Variants in ADCY5 observed in about 807,000 individuals in gnomAD.
ADCY5 encodes the protein adenylate cyclase type 5.
A neutral mutation model predicts 119.7 loss-of-function variants in ADCY5; 30 were observed. The observed-to-expected ratio is 0.25, with a 90% CI of 0.19 to 0.34. ADCY5 has a LOEUF of 0.34. ADCY5 is among the 10% of genes least tolerant of loss of function. ADCY5 has a pLI of 1.00. For missense variants in ADCY5, 1,324 were observed against 1,775.2 expected, an observed-to-expected ratio of 0.75 and a Z score of 4.57; for synonymous variants, 753 against 762.2, an observed-to-expected ratio of 0.99 and a Z score of 0.20.
At chr3:123,322,146 G>A (rs747315143) in intron 8 of ADCY5, among the ~76,000 whole-genome samples, 56 of 152,344 alleles carry the variant, frequency 3.7e-4, no homozygotes, top group Non-Finnish European at 5.6e-4. Context: ...GAGCACAGGC[G>A]TGGCGGGCAG....
intron 1 of ADCY5, among the ~76,000 whole-genome samples, chr3:123,364,700 CA>C (rs545913400): frequency 1.3e-5 from 2 of 151,426 alleles, no homozygotes; most frequent in Non-Finnish European, 2.9e-5. Context: ...GCCGCATTTA[CA>C]AAAATAAAAA....
chr3:123,362,301 C>A (rs1486237194), intron 1 of ADCY5, among the ~76,000 whole-genome samples: 1 of 152,194 alleles, frequency 6.6e-6, no homozygotes, highest in African/African-American at 2.4e-5. Flanking sequence ...CCAATGTCTC[C>A]ACATGCCCTG....
chr3:123,367,867 A>G (rs1576629945), intron 1 of ADCY5: 1 of 1,522,970 alleles, frequency 6.6e-7, no homozygotes, highest in Non-Finnish European at 8.7e-7. Context: ...AAAAAACACC[A>G]AAGAGAAAAT....
intron 10 of ADCY5, among the ~76,000 whole-genome samples, chr3:123,319,351 C>A (rs1431092559): frequency 1.5e-5 from 1 of 66,178 alleles, no homozygotes; most frequent in Non-Finnish European, 2.4e-5. Flanking sequence ...GAAACTCCGT[C>A]TCAAAAAAAA....
chr3:123,321,034 A>G (rs572550318), intron 8 of ADCY5, among the ~76,000 whole-genome samples: 1 of 152,198 alleles, frequency 6.6e-6, no homozygotes, highest in East Asian at 1.9e-4. Flanking sequence ...CCATGTGTCT[A>G]AGCTCTTCCT....
chr3:123,326,758 C>T (rs914829526), intron 7 of ADCY5, among the ~76,000 whole-genome samples: 2 of 152,176 alleles, frequency 1.3e-5, no homozygotes, highest in African/African-American at 4.8e-5. Context: ...GGATCTGTCC[C>T]CTGGGGTACT....
chr3:123,313,546 C>A (rs761704315), intron 12 of ADCY5, among the ~76,000 whole-genome samples: 2 of 152,142 alleles, frequency 1.3e-5, no homozygotes, highest in Non-Finnish European at 2.9e-5. Flanking sequence ...AGTGAAGAAA[C>A]TGAGGGAAAG....
In ADCY5 at chr3:123,408,707, T is replaced by C. The variant is rs149392817; in HGVS notation, c.1134+38705A>G. Among the ~76,000 whole-genome samples the C allele has an allele frequency of 9.0e-3, 1,327 of 147,394 alleles. 19 individuals are homozygous for C. Among genetic ancestry groups the C allele is most frequent in the African/African-American group, 0.031 (1,236 of 39,920 alleles). On this transcript the variant is annotated intron_variant, in intron 1 of 20. Coordinates refer to ENST00000462833, the MANE Select transcript of ADCY5 (RefSeq NM_183357.3). ...TCTAGCTGTACTCGGCCGGGCATGGTGGCTCACTCCTGTAATCTCAGCACT... is the reference window on the plus strand; with the variant it reads ...TCTAGCTGTACTCGGCCGGGCATGGCGGCTCACTCCTGTAATCTCAGCACT...
chr3:123,396,807 CAGGCAGGCAGGCGAGAGA>C (rs1944600167), intron 1 of ADCY5, among the ~76,000 whole-genome samples: 1 of 84,590 alleles, frequency 1.2e-5, no homozygotes. Context: ...GGCAGGCAGG[CAGGCAGGCAGGCGAGAGA>C]GAGAGAGAGA....
chr3:123,377,465 C>T (rs2107548051), intron 1 of ADCY5, among the ~76,000 whole-genome samples: 1 of 152,346 alleles, frequency 6.6e-6, no homozygotes, highest in East Asian at 1.9e-4. Context: ...TCTCTGACCT[C>T]TCAGAGTGGG....
intron 17 of ADCY5, among the ~76,000 whole-genome samples, chr3:123,293,105 C>T: frequency 6.6e-6 from 1 of 152,226 alleles, no homozygotes; most frequent in South Asian, 2.1e-4. Flanking sequence ...CCTGGCAGGG[C>T]AGGAAGGTTC....
chr3:123,327,937 G>A (rs1459950709), intron 6 of ADCY5, among the ~76,000 whole-genome samples, 178 bp from the exon 7 acceptor site: 9 of 152,130 alleles, frequency 5.9e-5, no homozygotes, highest in African/African-American at 1.7e-4. Flanking sequence ...TATCAAGTGG[G>A]CTCTCATGCC....
At chr3:123,335,508 C>T (rs77147119) in intron 3 of ADCY5, among the ~76,000 whole-genome samples, 6,706 of 152,282 alleles carry the variant, frequency 0.044, 193 homozygotes, top group Non-Finnish European at 0.074. Flanking sequence ...GGCACTGGCT[C>T]CACACTTTAG....
At chr3:123,332,539 C>T in intron 4 of ADCY5, 25 bp downstream of exon 4, 1 of 1,573,588 alleles carries the variant, frequency 6.4e-7, no homozygotes, top group African/African-American at 1.3e-5. Flanking sequence ...CAGGCCACCC[C>T]AACCCCCGGC....
At chr3:123,421,222 T>G (rs1228145124) in intron 1 of ADCY5, among the ~76,000 whole-genome samples, 1 of 151,996 alleles carries the variant, frequency 6.6e-6, no homozygotes, top group African/African-American at 2.4e-5. Context: ...TATAAAAGAG[T>G]AAATCTTCGT....
chr3:123,431,086 G>C (rs900459593), intron 1 of ADCY5, among the ~76,000 whole-genome samples: 2 of 152,204 alleles, frequency 1.3e-5, no homozygotes, highest in Admixed American at 1.3e-4. Context: ...ATGAGCTACA[G>C]AGGTGAAGAA....
At chr3:123,351,331 A>AG (rs2108494777) in intron 2 of ADCY5, among the ~76,000 whole-genome samples, 1 of 152,324 alleles carries the variant, frequency 6.6e-6, no homozygotes, top group South Asian at 2.1e-4. Context: ...TTCTGCACTC[A>AG]GGGTGGCCAC....
At chr3:123,366,143 AGTTT>A (rs569707036) in intron 1 of ADCY5, among the ~76,000 whole-genome samples, 123 of 152,298 alleles carry the variant, frequency 8.1e-4, no homozygotes, top group African/African-American at 2.9e-3. Context: ...CCCATGGGTT[AGTTT>A]GTTTTCTTTG....
intron 1 of ADCY5, among the ~76,000 whole-genome samples, chr3:123,438,032 GGGA>G (rs1048591217): frequency 1.3e-5 from 2 of 152,142 alleles, no homozygotes; most frequent in Non-Finnish European, 2.9e-5. Flanking sequence ...TCCTCCCTGA[GGGA>G]GGAGAGCCAC....
Sources: allele counts gnomAD v4.1 joint callset (sites outside exome capture counted in the v4.1 genomes callset), GRCh38; gene constraint gnomAD v4.1.1; transcripts MANE v1.5; gene names NCBI Gene and HGNC (gene_info 2026-07-23, HGNC 2026-07-21).